VAV2: variants seen among roughly 807,000 people sequenced by gnomAD.
VAV2 encodes the protein guanine nucleotide exchange factor VAV2.
VAV2 carries 67 observed loss-of-function variants against 132.5 expected under a neutral mutation model. The observed-to-expected ratio is 0.51, with a 90% CI of 0.42 to 0.62. The LOEUF (loss-of-function observed/expected upper bound fraction) is 0.62. Ranked by LOEUF, VAV2 falls within the 20% of genes least tolerant of loss-of-function variation. The pLI is 0.00. For missense variants in VAV2, 938 were observed against 1,153.6 expected (o/e 0.81, Z 2.71); for synonymous variants, 492 against 443.5 (o/e 1.11, Z -1.37).
At chr9:133,960,245 G>T (rs1339017500) in intron 1 of VAV2, among the ~76,000 whole-genome samples, 1 of 152,212 alleles carries the variant, frequency 6.6e-6, no homozygotes, top group Non-Finnish European at 1.5e-5. Flanking sequence ...GCACTGTGAG[G>T]TCAGGGCGCC....
At chr9:133,965,431 G>A (rs1842111584) in intron 1 of VAV2, among the ~76,000 whole-genome samples, 1 of 148,524 alleles carries the variant, frequency 6.7e-6, no homozygotes, top group Non-Finnish European at 1.5e-5. Flanking sequence ...CCCACGAGAT[G>A]AAGGTTGCAA....
Position 133,912,447 on chromosome 9 carries a change from C to T in VAV2, c.321+26656G>A, listed in dbSNP as rs987293406. On this transcript the variant is annotated intron_variant, in intron 2 of 29. Transcript: ENST00000371850. This position sits in a 1 kb window ranked among gnomAD's most constrained non-coding sequence, Gnocchi z 4.3. ...AGATGAAGGAACCAGGACGCAGTGG[C>T]GCTTTTCCATCTGTACCCCAACATG... Among the ~76,000 whole-genome samples the T allele has an allele frequency of 2.0e-5, 3 of 152,100 alleles. No homozygotes were observed. The highest frequency in any genetic ancestry group is 6.5e-5 in the Admixed American group (1 of 15,268).
In VAV2 at chr9:133,838,705, G is replaced by A. The variant is rs114142908; in HGVS notation, c.381-4365C>T. Among the ~76,000 whole-genome samples, 1,165 of 149,430 alleles carry A rather than the reference G, an allele frequency of 7.8e-3. 18 individuals carry two copies. The highest frequency in any genetic ancestry group is 0.027 in the African/African-American group (1,089 of 40,272). On this transcript the variant is annotated intron_variant, in intron 3 of 29. Coordinates refer to ENST00000371850, the MANE Select transcript of VAV2 (RefSeq NM_001134398.2). ...TGGCTGAGTGGCTAGCTGGGTGGGT[G>A]GGTGGATTGATGGATGGGTGGGTGG... is the stretch of plus-strand genomic sequence containing the variant.
intron 2 of VAV2, among the ~76,000 whole-genome samples, chr9:133,907,881 C>A (rs1839724490): frequency 6.7e-6 from 1 of 149,190 alleles, no homozygotes. Context: ...TACCGCCCTC[C>A]CCCAGAGAGT....
chr9:133,847,660 C>T (rs1445390559), intron 3 of VAV2, among the ~76,000 whole-genome samples: 2 of 152,304 alleles, frequency 1.3e-5, no homozygotes, highest in East Asian at 3.9e-4. Context: ...AAAGTTCCAG[C>T]CCCACGCTGC....
At chr9:133,903,225 C>G (rs1432050726) in intron 2 of VAV2, among the ~76,000 whole-genome samples, 1 of 152,180 alleles carries the variant, frequency 6.6e-6, no homozygotes, top group Non-Finnish European at 1.5e-5. Flanking sequence ...GGCACCAGCC[C>G]CGCCGCCACC....
intron 13 of VAV2, 75 bp from the exon 14 acceptor site, chr9:133,789,418 C>T: frequency 6.9e-7 from 1 of 1,440,756 alleles, no homozygotes; most frequent in Non-Finnish European, 9.7e-7. Context: ...GCAGGGCAGA[C>T]TGTCGTGCAC....
Position 133,863,155 on chromosome 9 carries a change from A to G in VAV2, c.322-1723T>C, listed in dbSNP as rs1444165465. Among the ~76,000 whole-genome samples the G allele has an allele frequency of 6.6e-6, 1 of 152,218 alleles. No homozygotes were observed. Among genetic ancestry groups the G allele is most frequent in the Non-Finnish European group, 1.5e-5 (1 of 68,038 alleles). ...AGAGCTCTAAGCATTTAGGGAAAACAAAAATGAAAGCAATATTGCTGTACG... is the reference window on the plus strand; with the variant it reads ...AGAGCTCTAAGCATTTAGGGAAAACGAAAATGAAAGCAATATTGCTGTACG... On this transcript the variant is annotated intron_variant, in intron 2 of 29. Coordinates refer to ENST00000371850, the MANE Select transcript of VAV2 (RefSeq NM_001134398.2). The surrounding 1 kb of genome is among the most constrained non-coding windows in gnomAD (Gnocchi z 5.0).
intron 1 of VAV2, among the ~76,000 whole-genome samples, chr9:133,948,566 G>A (rs1803043080): frequency 6.6e-6 from 1 of 152,192 alleles, no homozygotes; most frequent in African/African-American, 2.4e-5. Flanking sequence ...CCCACCAAGA[G>A]CAAGCAGCTT....
chr9:133,906,980 C>G (rs1298254755), intron 2 of VAV2, among the ~76,000 whole-genome samples: 1 of 152,212 alleles, frequency 6.6e-6, no homozygotes, highest in Non-Finnish European at 1.5e-5. Context: ...CAGCGAGCCC[C>G]TCCGTGAGTG....
intron 3 of VAV2, among the ~76,000 whole-genome samples, chr9:133,839,345 G>A (rs1486415834): frequency 6.6e-6 from 1 of 151,998 alleles, no homozygotes; most frequent in Non-Finnish European, 1.5e-5. Context: ...GGGTTGGTGG[G>A]TGGGATTAGT....
intron 3 of VAV2, among the ~76,000 whole-genome samples, chr9:133,851,670 GGATGGATGGATGGATGGA>G (rs1227526939): frequency 2.1e-5 from 3 of 142,324 alleles, no homozygotes; most frequent in African/African-American, 9.2e-5. Context: ...AAGGGTGGAT[GGATGGATGGATGGATGGA>G]TGGATGGATG....
intron 3 of VAV2, among the ~76,000 whole-genome samples, chr9:133,839,706 C>T (rs1039948333): frequency 2.0e-5 from 3 of 152,128 alleles, no homozygotes; most frequent in South Asian, 2.1e-4. Flanking sequence ...GCCTCAGCCT[C>T]CCAAAGTGCT....
At chr9:133,970,267 C>A (rs1198316339) in intron 1 of VAV2, among the ~76,000 whole-genome samples, 1 of 152,192 alleles carries the variant, frequency 6.6e-6, no homozygotes, top group Non-Finnish European at 1.5e-5. Context: ...CACCCGATGA[C>A]CCCACACAGC....
intron 1 of VAV2, among the ~76,000 whole-genome samples, chr9:133,972,397 G>A (rs1473240950): frequency 1.3e-5 from 2 of 152,230 alleles, no homozygotes; most frequent in African/African-American, 2.4e-5. Flanking sequence ...AGGGGTGGGG[G>A]AGGCTCCAGG....
At chr9:133,944,998 G>A (rs889945012) in intron 1 of VAV2, among the ~76,000 whole-genome samples, 4 of 152,232 alleles carry the variant, frequency 2.6e-5, no homozygotes, top group Admixed American at 1.3e-4. Context: ...CTCCACGGCC[G>A]CCAGGTTTTC....
At position 133,888,210 on chromosome 9, in the gene VAV2, C is replaced by T. The variant is rs374439594; in HGVS notation, c.322-26778G>A. On this transcript the variant is annotated intron_variant, in intron 2 of 29. Coordinates refer to ENST00000371850, the MANE Select transcript of VAV2 (RefSeq NM_001134398.2). ...GTGGGGAGCCAGGGGCCAGGGGAGG[C>T]TGGGGTGAGCGCTGAATGGGGGCAG... 1.6e-4 allele frequency among the ~76,000 whole-genome samples: 24 copies of T among 152,282 alleles called. 1 individual carries two copies. The South Asian group carries it at 5.0e-3, about 32-fold the overall frequency.
chr9:133,801,686 G>A (rs1212752420), intron 9 of VAV2, among the ~76,000 whole-genome samples: 1 of 152,222 alleles, frequency 6.6e-6, no homozygotes, highest in African/African-American at 2.4e-5. Flanking sequence ...TGATGCAGAT[G>A]TAATGAAGGT....
intron 21 of VAV2, among the ~76,000 whole-genome samples, chr9:133,779,586 G>C (rs1245639630): frequency 6.6e-6 from 1 of 152,256 alleles, no homozygotes; most frequent in Non-Finnish European, 1.5e-5. Context: ...GAAGGGGATG[G>C]AGAACGTGGT....
Sources: gnomAD v4.1 joint callset for allele counts (sites outside exome capture counted in the v4.1 genomes callset) on GRCh38, gnomAD v4.1.1 for gene constraint, Gnocchi (gnomAD v3.1) non-coding constraint, MANE v1.5 for transcripts, NCBI Gene and HGNC (gene_info 2026-07-23, HGNC 2026-07-21) for gene names.